Variants in POLI observed in about 807,000 individuals in gnomAD.
The protein encoded by POLI is DNA polymerase iota.
POLI carries 58 observed loss-of-function variants against 51.6 expected under a neutral mutation model. That is an observed-to-expected ratio of 1.12 (90% CI 0.91 to 1.40). The LOEUF is 1.40. Among genes scored for constraint, POLI ranks in the 40% most tolerant of loss-of-function variants. The pLI, the probability that POLI is intolerant of heterozygous loss-of-function variation, is 0.00. For synonymous variants in POLI, 322 were observed against 299.7 expected (o/e 1.07, Z -0.77); for missense variants, 921 against 871.3 (o/e 1.06, Z -0.72).
At chr18:54,300,515 C>T (rs906673056), downstream of POLI, among the ~76,000 whole-genome samples, 15 of 151,636 alleles carry the variant, frequency 9.9e-5, no homozygotes, top group African/African-American at 3.4e-4. Context: ...TAAAAAGCCA[C>T]AAAATTCAAT....
rs1325603397 is a variant in POLI, at chr18:54,295,732, A to G, written c.*1265A>G. The stretch of plus-strand genomic sequence containing the variant: ...AACCTCCGCCTCCCAGGTTCAAGCA[A>G]TTCTCCTGCCTCAGCCTCCTGAGTA... On this transcript the variant is annotated 3_prime_UTR_variant, in exon 10 of 10. Transcript: ENST00000579534. 1 of 197,796 alleles carries G rather than the reference A, an allele frequency of 5.1e-6. No individual in the cohort carries two copies. Among genetic ancestry groups the G allele is most frequent in the South Asian group, 1.8e-4 (1 of 5,564 alleles). The allele number at this position is 197,796 out of a possible 1,614,324, so 12.3% of individuals were successfully genotyped here.
chr18:54,314,759 T>G lies in POLI; in HGVS notation c.334-5514T>G, dbSNP rs71368965. Among the ~76,000 whole-genome samples, 1,319 of 151,978 alleles carry G rather than the reference T, an allele frequency of 8.7e-3. 12 individuals are homozygous for G. Among genetic ancestry groups the G allele is most frequent in the Non-Finnish European group, 0.014 (975 of 67,948 alleles). On this transcript the variant is annotated intron_variant, in intron 3 of 4. Transcript: ENST00000579823. Reference sequence around the variant, plus strand: ...TTTCTAGTTTGTGTGCATAGAGGTGTTCGTAATGGTCACTGGGTATCTTCT... The same window carrying G: ...TTTCTAGTTTGTGTGCATAGAGGTGGTCGTAATGGTCACTGGGTATCTTCT...
chr18:54,279,819 G>A (rs1432294235), intron 4 of POLI, among the ~76,000 whole-genome samples: 3 of 152,180 alleles, frequency 2.0e-5, no homozygotes, highest in Admixed American at 2.0e-4. Context: ...GTACAGGTCA[G>A]AGATTGTTTC....
chr18:54,307,533 T>C (rs2088607224), intron 3 of POLI, among the ~76,000 whole-genome samples: 1 of 152,218 alleles, frequency 6.6e-6, no homozygotes, highest in Admixed American at 6.5e-5. Context: ...ATAAGTGCGA[T>C]GTGGTGCTGA....
downstream of POLI, among the ~76,000 whole-genome samples, chr18:54,299,507 G>A (rs1318513668): frequency 1.3e-5 from 2 of 152,142 alleles, no homozygotes; most frequent in African/African-American, 2.4e-5. Context: ...CTGCATATCA[G>A]TCACCGAATG....
chr18:54,303,729 G>A (rs1301013900), intron 3 of POLI, among the ~76,000 whole-genome samples: 1 of 150,138 alleles, frequency 6.7e-6, no homozygotes, highest in African/African-American at 2.5e-5. Context: ...ATTCTCAGAT[G>A]ATACTTCCAC....
chr18:54,297,736 T>G lies in POLI; in HGVS notation c.*3269T>G. On this transcript the variant is annotated 3_prime_UTR_variant, in exon 10 of 10. Coordinates refer to ENST00000579534, the MANE Select transcript of POLI (RefSeq NM_007195.3). ...AAACATCTAAAAATGCTACCCTCTT[T>G]CCAAACAACACAAAGGTATTGAAAT... 1.0e-6 allele frequency: 1 copy of G among 970,626 alleles called. No homozygotes were observed. The highest frequency in any genetic ancestry group is 1.2e-6 in the Non-Finnish European group (1 of 816,520). The allele number at this position is 970,626 out of a possible 1,614,324, so 60.1% of individuals were successfully genotyped here.
chr18:54,307,291 G>T (rs551339829), intron 3 of POLI, among the ~76,000 whole-genome samples: 37 of 152,094 alleles, frequency 2.4e-4, no homozygotes, highest in Middle Eastern at 3.4e-3. Flanking sequence ...CTGGTACATT[G>T]TGTCTTTGTT....
intron 9 of POLI, among the ~76,000 whole-genome samples, 167 bp downstream of exon 9, chr18:54,292,205 C>A (rs977123522): frequency 6.6e-5 from 10 of 151,844 alleles, no homozygotes; most frequent in African/African-American, 1.2e-4. Flanking sequence ...TGGTTTCTGG[C>A]CTTAAATATG....
At chr18:54,269,515 C>G (rs2144406063), upstream of POLI, 1 of 1,503,578 alleles carries the variant, frequency 6.7e-7, no homozygotes, top group Non-Finnish European at 8.8e-7. Context: ...GCGGAAGCGG[C>G]CGGAAGTAGC....
chr18:54,286,682 G>A (rs1385995121), intron 7 of POLI, among the ~76,000 whole-genome samples: 2 of 152,102 alleles, frequency 1.3e-5, no homozygotes, highest in East Asian at 3.9e-4. Context: ...GTTGGCTTAC[G>A]TCTGTAATCC....
chr18:54,277,941 A>G, intron 4 of POLI, 86 bp downstream of exon 4: 7 of 1,026,944 alleles, frequency 6.8e-6, no homozygotes, highest in Non-Finnish European at 9.9e-6. Context: ...TGATTCTGAA[A>G]GATTCATGAC....
chr18:54,297,108 T>C lies in POLI; in HGVS notation c.*2641T>C. 1 of 985,378 alleles carries C rather than the reference T, an allele frequency of 1.0e-6. No individual in the cohort carries two copies. Among genetic ancestry groups the C allele is most frequent in the Non-Finnish European group, 1.2e-6 (1 of 829,902 alleles). 61.0% of individuals were successfully genotyped at this position (985,378 alleles called of 1,614,324 possible). ...TGGATCCTGATTGAATGCCTTGTCT[T>C]AAGTGTAAGCTCCCTGACCCTTACT... On this transcript the variant is annotated 3_prime_UTR_variant, in exon 10 of 10. Coordinates refer to ENST00000579534, the MANE Select transcript of POLI (RefSeq NM_007195.3).
In POLI at chr18:54,292,019, G is replaced by A. The variant is rs201315797; in HGVS notation, c.1385G>A (p.Arg462His). The A allele has an allele frequency of 3.1e-4, 489 of 1,602,558 alleles. No individual in the cohort carries two copies. The highest frequency in any genetic ancestry group is 4.0e-4 in the Non-Finnish European group (470 of 1,172,370). Reference protein sequence around the residue: ...YLMPSLSTTSRSGKHSFKMKD... With the variant: ...YLMPSLSTTSHSGKHSFKMKD... ...ATGCCATCATTATCAACTACTTCAC[G>A]CTCTGGCAAGCACAGTTTTGTAAGT... is the stretch of plus-strand genomic sequence containing the variant. The change falls in exon 9 of 10, where the codon CGC (arginine) becomes CAC (histidine). Residue 462 changes from arginine to histidine, a missense_variant. Arg to His is a conservative substitution (Grantham distance 29). Transcript: ENST00000579534.
At chr18:54,285,031 G>A (rs2087684873) in intron 7 of POLI, among the ~76,000 whole-genome samples, 1 of 152,202 alleles carries the variant, frequency 6.6e-6, no homozygotes, top group African/African-American at 2.4e-5. Context: ...TAGAGAAAAT[G>A]GTTTTTGGTT....
In POLI at chr18:54,297,125, AC is replaced by A. The variant is rs140997917; in HGVS notation, c.*2661del. Reference sequence around the variant, plus strand: ...CCTTGTCTTAAGTGTAAGCTCCCTGACCCTTACTACTAGCCGAAGGTTTTGT... The same window carrying A: ...CCTTGTCTTAAGTGTAAGCTCCCTGACCTTACTACTAGCCGAAGGTTTTGT... On this transcript the variant is annotated 3_prime_UTR_variant, in exon 10 of 10. Coordinates refer to ENST00000579534, the MANE Select transcript of POLI (RefSeq NM_007195.3). The A allele has an allele frequency of 3.8e-4, 373 of 985,308 alleles. 3 individuals carry two copies. In the African/African-American group the frequency reaches 6.2e-3, roughly 16 times the overall value. 61.0% of individuals were successfully genotyped at this position (985,308 alleles called of 1,614,324 possible).
Position 54,297,877 on chromosome 18 carries a change from T to C in POLI, c.*3410T>C. On this transcript the variant is annotated 3_prime_UTR_variant, in exon 10 of 10. Transcript: ENST00000579534. ...TGATGGGACATGGTGGGGGCTTACC[T>C]TTTTTCTTGTGTGTCAGATGTTCCT... is the stretch of plus-strand genomic sequence containing the variant. 1 of 981,356 alleles carries C rather than the reference T, an allele frequency of 1.0e-6. No homozygotes were observed. Among genetic ancestry groups the C allele is most frequent in the South Asian group, 4.7e-5 (1 of 21,238 alleles). 60.8% of individuals were successfully genotyped at this position (981,356 alleles called of 1,614,324 possible). A position where few individuals can be genotyped will look rare whatever the true frequency, so the allele number is the denominator to read the frequency against.
intron 6 of POLI, among the ~76,000 whole-genome samples, chr18:54,283,241 CAG>C (rs934982073): frequency 5.9e-5 from 9 of 152,050 alleles, no homozygotes; most frequent in Non-Finnish European, 7.4e-5. Flanking sequence ...TGATTGAAGA[CAG>C]TGCAACTTAA....
At position 54,295,575 on chromosome 18, in the gene POLI, T is replaced by C. The variant is rs551518423; in HGVS notation, c.*1108T>C. The C allele has an allele frequency of 1.2e-6, 1 of 812,374 alleles. No homozygotes were observed. The highest frequency in any genetic ancestry group is 5.7e-5 in the South Asian group (1 of 17,656). 50.3% of individuals were successfully genotyped at this position (812,374 alleles called of 1,614,324 possible). ...ACTTTAAAAATAAAGTACACAAATATGAACCAAAGAGTAGCTTAAAAATAC... is the reference window on the plus strand; with the variant it reads ...ACTTTAAAAATAAAGTACACAAATACGAACCAAAGAGTAGCTTAAAAATAC... On this transcript the variant is annotated 3_prime_UTR_variant, in exon 10 of 10. Transcript: ENST00000579534.
Sources: gnomAD v4.1 joint callset for allele counts (sites outside exome capture counted in the v4.1 genomes callset) on GRCh38, gnomAD v4.1.1 for gene constraint, MANE v1.5 for transcripts, NCBI Gene and HGNC (gene_info 2026-07-23, HGNC 2026-07-21) for gene names.